The following BRINP1 variants were observed in gnomAD, a reference collection of about 807,000 sequenced individuals.
BRINP1 encodes BMP/retinoic acid-inducible neural-specific protein 1.
In BRINP1, 17 loss-of-function variants were observed where a neutral mutation model predicts 72.9. The ratio of observed to expected loss-of-function variants is 0.23; its 90% CI spans 0.16 to 0.35. BRINP1 has a LOEUF of 0.35. Among genes scored for constraint, BRINP1 ranks in the 10% least tolerant of loss-of-function variants. The pLI is 1.00. For missense variants in BRINP1, 850 were observed against 1,001.6 expected, an observed-to-expected ratio of 0.85 and a Z score of 2.04; for synonymous variants, 418 against 378.5, an observed-to-expected ratio of 1.10 and a Z score of -1.21.
intron 2 of BRINP1, among the ~76,000 whole-genome samples, chr9:119,249,821 AG>A (rs1280165382): frequency 2.2e-5 from 1 of 46,132 alleles, no homozygotes; most frequent in Non-Finnish European, 4.8e-5. Context: ...GAAGGAAGGA[AG>A]GAAGGAAGGA....
intron 2 of BRINP1, among the ~76,000 whole-genome samples, chr9:119,287,089 C>T (rs1475508631): frequency 6.6e-6 from 1 of 151,086 alleles, no homozygotes; most frequent in Non-Finnish European, 1.5e-5. Flanking sequence ...CCTTAGAGAT[C>T]TCATCTGATT....
intron 1 of BRINP1, among the ~76,000 whole-genome samples, chr9:119,356,893 T>G (rs1422897752): frequency 2.0e-5 from 3 of 152,174 alleles, no homozygotes; most frequent in African/African-American, 7.2e-5. Context: ...CCACCAATGC[T>G]GTGTGACAGT....
intron 1 of BRINP1, among the ~76,000 whole-genome samples, chr9:119,351,251 G>T (rs1831505345): frequency 6.6e-6 from 1 of 152,044 alleles, no homozygotes; most frequent in South Asian, 2.1e-4. Context: ...CATTTTATGT[G>T]AGCAGCACAC....
chr9:119,313,430 G>A, intron 1 of BRINP1, 25 bp from the exon 2 acceptor site: 1 of 1,512,272 alleles, frequency 6.6e-7, no homozygotes, highest in Non-Finnish European at 8.8e-7. Context: ...ATAAAAAAGA[G>A]AGAGAAAAAA....
intron 5 of BRINP1, among the ~76,000 whole-genome samples, chr9:119,235,042 C>T (rs1004490525): frequency 1.3e-5 from 2 of 152,140 alleles, no homozygotes; most frequent in Non-Finnish European, 2.9e-5. Context: ...TCTGGGATTG[C>T]TCCATTTCTG....
chr9:119,352,025 C>A (rs545613140), intron 1 of BRINP1, among the ~76,000 whole-genome samples: 1 of 151,588 alleles, frequency 6.6e-6, no homozygotes, highest in Non-Finnish European at 1.5e-5. Context: ...CTCGAACTCC[C>A]GACCTCAGAT....
At chr9:119,355,921 G>C (rs1314904861) in intron 1 of BRINP1, among the ~76,000 whole-genome samples, 2 of 152,056 alleles carry the variant, frequency 1.3e-5, no homozygotes, top group Non-Finnish European at 2.9e-5. Context: ...TGACTTCTTA[G>C]AAGGGGACAC....
chr9:119,307,861 T>C (rs533485241), intron 2 of BRINP1, among the ~76,000 whole-genome samples: 6 of 152,330 alleles, frequency 3.9e-5, no homozygotes, highest in Admixed American at 3.9e-4. Context: ...GGGTTTTCCA[T>C]GTGCAGGTCT....
intron 4 of BRINP1, 21 bp from the exon 5 acceptor site, chr9:119,238,781 G>C (rs1263018891): frequency 6.7e-7 from 1 of 1,494,584 alleles, no homozygotes; most frequent in Admixed American, 1.7e-5. Flanking sequence ...TATCAAATAA[G>C]ATAGGTGTGA....
intron 2 of BRINP1, among the ~76,000 whole-genome samples, chr9:119,273,362 A>C (rs980591041): frequency 1.3e-5 from 2 of 152,168 alleles, no homozygotes; most frequent in African/African-American, 2.4e-5. Context: ...ACCCTGGGTG[A>C]TTCTCAGTCT....
intron 1 of BRINP1, among the ~76,000 whole-genome samples, chr9:119,328,356 C>T (rs757428976): frequency 6.6e-6 from 1 of 152,280 alleles, no homozygotes. Context: ...AATGGAGACA[C>T]AGAGTATACA....
intron 7 of BRINP1, among the ~76,000 whole-genome samples, chr9:119,200,647 A>G (rs573898038): frequency 2.6e-5 from 4 of 151,082 alleles, no homozygotes; most frequent in East Asian, 3.9e-4. Flanking sequence ...AAAAAAAAAA[A>G]AAAGAAAGAA....
chr9:119,303,961 C>G (rs1376058227), intron 2 of BRINP1, among the ~76,000 whole-genome samples: 1 of 151,470 alleles, frequency 6.6e-6, no homozygotes, highest in African/African-American at 2.4e-5. Context: ...CTCACTGCAA[C>G]CTCTGCCTCC....
In BRINP1 at chr9:119,173,217, G is replaced by A. The variant is rs901086408; in HGVS notation, c.1146-4993C>T. 1.1e-4 allele frequency among the ~76,000 whole-genome samples: 16 copies of A among 151,370 alleles called. No homozygotes were observed. The South Asian group carries it at 3.2e-3, about 30-fold the overall frequency. On this transcript the variant is annotated intron_variant, in intron 7 of 7. Coordinates refer to ENST00000265922, the MANE Select transcript of BRINP1 (RefSeq NM_014618.3). ...GTCCCTGTTTGCAGATGACATGACT[G>A]TATATCTAGAAAACCCCATTGTTTC... is the stretch of plus-strand genomic sequence containing the variant.
chr9:119,293,610 A>G (rs1482966830), intron 2 of BRINP1, among the ~76,000 whole-genome samples: 1 of 152,200 alleles, frequency 6.6e-6, no homozygotes, highest in East Asian at 1.9e-4. Flanking sequence ...ACACTGGATA[A>G]ATAATTTATT....
At chr9:119,250,326 C>A (rs1180548656) in intron 2 of BRINP1, among the ~76,000 whole-genome samples, 3 of 152,138 alleles carry the variant, frequency 2.0e-5, no homozygotes, top group Non-Finnish European at 4.4e-5. Flanking sequence ...AAGCTATGTT[C>A]CAAAGACCAT....
chr9:119,366,336 C>T (rs11790171), intron 1 of BRINP1, among the ~76,000 whole-genome samples: 16,556 of 152,024 alleles, frequency 0.11, 1,169 homozygotes, highest in Middle Eastern at 0.15. Flanking sequence ...CTCTGGAAAC[C>T]AGTGCATTCC....
In BRINP1 at chr9:119,167,897, C is replaced by G; in HGVS notation, c.1473G>C (p.Leu491=). Residue 491 remains leucine, a synonymous_variant, in exon 8 of 8, where the codon CTG becomes CTC. Transcript: ENST00000265922. The surrounding 1 kb of genome is among the most constrained non-coding windows in gnomAD (Gnocchi z 4.3). ...LDFQDLELKY[L]LQKMDSRLYV... ...AGAGGCGTGAGTCCATCTTCTGCAG[C>G]AGGTACTTCAGCTCCAGGTCCTGGA... 1 of 1,614,192 alleles carries G rather than the reference C, an allele frequency of 6.2e-7. No homozygotes were observed. Among genetic ancestry groups the G allele is most frequent in the Non-Finnish European group, 8.5e-7 (1 of 1,180,034 alleles).
At chr9:119,217,645 G>A (rs1829991947) in intron 5 of BRINP1, among the ~76,000 whole-genome samples, 1 of 152,110 alleles carries the variant, frequency 6.6e-6, no homozygotes, top group Non-Finnish European at 1.5e-5. Flanking sequence ...CCTGATTTGT[G>A]CCTCATTCTT....
Sources: gnomAD v4.1 joint callset for allele counts (sites outside exome capture counted in the v4.1 genomes callset) on GRCh38, gnomAD v4.1.1 for gene constraint, Gnocchi (gnomAD v3.1) non-coding constraint, MANE v1.5 for transcripts, NCBI Gene and HGNC (gene_info 2026-07-23, HGNC 2026-07-21) for gene names.